DTNA: variants seen among roughly 807,000 people sequenced by gnomAD.
The protein encoded by DTNA is dystrophin-related protein 3.
Under a neutral mutation model 100.7 loss-of-function variants are expected in DTNA, and 43 were observed. That is an observed-to-expected ratio of 0.43 (90% CI 0.33 to 0.55). The LOEUF (loss-of-function observed/expected upper bound fraction) is 0.55, where lower values mean the gene tolerates loss of function less well. DTNA is among the 20% of genes least tolerant of loss of function. The pLI, the probability that DTNA is intolerant of heterozygous loss-of-function variation, is 0.04. For synonymous variants in DTNA, 349 were observed against 347.9 expected, an observed-to-expected ratio of 1.00 and a Z score of -0.04; for missense variants, 798 against 953.9, an observed-to-expected ratio of 0.84 and a Z score of 2.15.
At position 34,567,027 on chromosome 18, in the gene DTNA, G is replaced by T. The variant is rs1261643475; in HGVS notation, c.-2+73513G>T. On this transcript the variant is annotated intron_variant, in intron 1 of 19. Coordinates refer to the DTNA transcript ENST00000283365. ...CACTGAATAAATCATTCCATGGTAT[G>T]TCGTCAATATACCATCAATTTTGCC... 2.0e-5 allele frequency among the ~76,000 whole-genome samples: 3 copies of T among 152,180 alleles called. No homozygotes were observed. The East Asian group carries it at 5.8e-4, about 29-fold the overall frequency.
chr18:34,816,698 C>G (rs183290134), intron 7 of DTNA, among the ~76,000 whole-genome samples: 5 of 152,218 alleles, frequency 3.3e-5, no homozygotes, highest in African/African-American at 1.2e-4. Flanking sequence ...TGAAATTTCT[C>G]CAGACTTGAC....
chr18:34,556,105 A>G, intron 1 of DTNA, among the ~76,000 whole-genome samples: 1 of 151,122 alleles, frequency 6.6e-6, no homozygotes. Context: ...TGTTGAATTG[A>G]TCCCTTTACC....
At chr18:34,693,089 G>A (rs1225540215) in intron 1 of DTNA, among the ~76,000 whole-genome samples, 1 of 152,044 alleles carries the variant, frequency 6.6e-6, no homozygotes, top group African/African-American at 2.4e-5. Flanking sequence ...GCAAAAATCA[G>A]CATCCGTAGA....
At position 34,588,917 on chromosome 18, in the gene DTNA, T is replaced by C. The variant is rs141176283; in HGVS notation, c.-2+95403T>C. On this transcript the variant is annotated intron_variant, in intron 1 of 19. Coordinates refer to the DTNA transcript ENST00000283365. The stretch of plus-strand genomic sequence containing the variant: ...CATTAGCCTATGCCATTCTGTTTTT[T>C]ATAAAAACTATCATTGTTCCCCATT... 1.2e-3 allele frequency among the ~76,000 whole-genome samples: 175 copies of C among 151,980 alleles called. 3 individuals carry two copies. In the East Asian group the frequency reaches 0.028, roughly 24 times the overall value.
At chr18:34,879,840 T>TCTGTTCTGC in intron 20 of DTNA, 121 bp downstream of exon 20, 5 of 1,279,192 alleles carry the variant, frequency 3.9e-6, no homozygotes, top group Non-Finnish European at 5.5e-6. Flanking sequence ...GACATAGTTT[T>TCTGTTCTGC]CTGTTCTGCC....
At chr18:34,656,073 T>G (rs1254350290) in intron 1 of DTNA, among the ~76,000 whole-genome samples, 1 of 152,250 alleles carries the variant, frequency 6.6e-6, no homozygotes, top group African/African-American at 2.4e-5. Flanking sequence ...ATTATGTGAA[T>G]ATATTTTATG....
At chr18:34,563,557 C>A (rs1031778286) in intron 1 of DTNA, among the ~76,000 whole-genome samples, 4 of 152,194 alleles carry the variant, frequency 2.6e-5, no homozygotes, top group African/African-American at 9.7e-5. Flanking sequence ...TCTATAAAGA[C>A]CTTCTCATTA....
intron 1 of DTNA, among the ~76,000 whole-genome samples, chr18:34,622,573 G>A (rs927248890): frequency 6.6e-6 from 1 of 152,194 alleles, no homozygotes; most frequent in African/African-American, 2.4e-5. Flanking sequence ...GGGTGGGGAA[G>A]ATCTGCCCTC....
rs780919861 is a variant in DTNA at position 34,713,074 on chromosome 18, T to C, written c.-2+2629T>C. 8.6e-4 allele frequency among the ~76,000 whole-genome samples: 131 copies of C among 152,128 alleles called. 1 individual carries two copies. Among genetic ancestry groups the C allele is most frequent in the Non-Finnish European group, 2.1e-4 (14 of 67,998 alleles). On this transcript the variant is annotated intron_variant, in intron 1 of 22. Coordinates refer to ENST00000444659, the MANE Select transcript of DTNA (RefSeq NM_001386795.1). The stretch of plus-strand genomic sequence containing the variant: ...TTTTATTATTGACCACTATGTAATT[T>C]TTGACATGAAAAGAATTGGATTTTT...
chr18:34,731,497 AAAG>A (rs993687858), intron 1 of DTNA, among the ~76,000 whole-genome samples: 2 of 152,212 alleles, frequency 1.3e-5, no homozygotes, highest in African/African-American at 4.8e-5. Flanking sequence ...AAAAAAAAAA[AAAG>A]ATTTGTGCGA....
chr18:34,824,781 A>G (rs1365769077), intron 9 of DTNA, among the ~76,000 whole-genome samples: 1 of 151,774 alleles, frequency 6.6e-6, no homozygotes, highest in Non-Finnish European at 1.5e-5. Flanking sequence ...GGGCCTCTCT[A>G]TATTACCCAG....
At chr18:34,868,640 A>G (rs1191683074) in intron 17 of DTNA, 2 of 985,330 alleles carry the variant, frequency 2.0e-6, no homozygotes, top group African/African-American at 3.5e-5. Flanking sequence ...GGTTCAATGT[A>G]GTGTTTTATT....
At chr18:34,522,241 A>G (rs1459892411) in intron 1 of DTNA, among the ~76,000 whole-genome samples, 1 of 152,140 alleles carries the variant, frequency 6.6e-6, no homozygotes, top group African/African-American at 2.4e-5. Flanking sequence ...TCCCTTTATT[A>G]TAAAGTCCTG....
rs150030741 is a variant in DTNA at position 34,792,404 on chromosome 18, T to C, written c.149-1633T>C. Among the ~76,000 whole-genome samples, 4 of 152,294 alleles carry C rather than the reference T, an allele frequency of 2.6e-5. No individual in the cohort carries two copies. The East Asian group carries it at 7.7e-4, about 29-fold the overall frequency. On this transcript the variant is annotated intron_variant, in intron 3 of 22. Transcript: ENST00000444659. Reference sequence around the variant, plus strand: ...CCAAAAGTCAGAAACCATAGATCTGTTCTGAAAAGCAAAAGTAAGAGAGAA... The same window carrying C: ...CCAAAAGTCAGAAACCATAGATCTGCTCTGAAAAGCAAAAGTAAGAGAGAA...
At chr18:34,497,877 G>C (rs982356910) in intron 1 of DTNA, among the ~76,000 whole-genome samples, 1 of 152,066 alleles carries the variant, frequency 6.6e-6, no homozygotes, top group African/African-American at 2.4e-5. Context: ...AGCACCATTT[G>C]AAACTATTAA....
intron 2 of DTNA, among the ~76,000 whole-genome samples, chr18:34,756,855 CT>C (rs2092809773): frequency 6.6e-6 from 1 of 152,126 alleles, no homozygotes; most frequent in South Asian, 2.1e-4. Context: ...GCATGGTTCT[CT>C]TCATGTCTTT....
chr18:34,628,844 C>T (rs536983882), intron 1 of DTNA, among the ~76,000 whole-genome samples: 131 of 152,256 alleles, frequency 8.6e-4, no homozygotes, highest in Non-Finnish European at 6.8e-4. Context: ...CTACCATACT[C>T]ATAGTTTAAA....
chr18:34,684,395 G>C (rs1348002846), intron 1 of DTNA, among the ~76,000 whole-genome samples: 3 of 152,066 alleles, frequency 2.0e-5, no homozygotes, highest in Non-Finnish European at 2.9e-5. Flanking sequence ...GAGAACATGT[G>C]GTCTTTGGTT....
At chr18:34,586,344 T>G (rs2049131863) in intron 1 of DTNA, among the ~76,000 whole-genome samples, 2 of 152,050 alleles carry the variant, frequency 1.3e-5, no homozygotes, top group South Asian at 4.2e-4. Flanking sequence ...TTTATGGGAG[T>G]GAAGTCCTAG....
Sources: gnomAD v4.1 joint callset for allele counts (sites outside exome capture counted in the v4.1 genomes callset) on GRCh38, gnomAD v4.1.1 for gene constraint, MANE v1.5 for transcripts, NCBI Gene and HGNC (gene_info 2026-07-23, HGNC 2026-07-21) for gene names.